Variants in HMCN1 observed in about 807,000 individuals in gnomAD.
HMCN1 encodes the protein hemicentin-1.
A neutral mutation model predicts 625.9 loss-of-function variants in HMCN1; 321 were observed. The observed-to-expected ratio is 0.51, with a 90% CI of 0.47 to 0.56. The LOEUF (loss-of-function observed/expected upper bound fraction) is 0.56, where lower values mean the gene tolerates loss of function less well. Among genes scored for constraint, HMCN1 ranks in the 20% least tolerant of loss-of-function variants. The pLI, the probability that HMCN1 is intolerant of heterozygous loss-of-function variation, is 0.00. For synonymous variants in HMCN1, 2,425 were observed against 2,417.6 expected, an observed-to-expected ratio of 1.00 and a Z score of -0.09; for missense variants, 6,588 against 6,887.3, an observed-to-expected ratio of 0.96 and a Z score of 1.54.
intron 1 of HMCN1, among the ~76,000 whole-genome samples, chr1:185,812,291 T>C (rs1415574805): frequency 6.6e-6 from 1 of 152,100 alleles, no homozygotes; most frequent in Non-Finnish European, 1.5e-5. Flanking sequence ...CATGTTTGAT[T>C]GAGAAATGTA....
At chr1:185,838,718 C>A (rs908870894) in intron 1 of HMCN1, among the ~76,000 whole-genome samples, 1 of 152,184 alleles carries the variant, frequency 6.6e-6, no homozygotes, top group African/African-American at 2.4e-5. Context: ...CTGTTGAGAG[C>A]AGGACATTGT....
chr1:185,805,403 A>T (rs552677656), intron 1 of HMCN1, among the ~76,000 whole-genome samples: 1 of 152,266 alleles, frequency 6.6e-6, no homozygotes, highest in East Asian at 1.9e-4. Context: ...TCCCTCTGAA[A>T]ATAGTAAAAA....
At chr1:186,091,343 C>G (rs955361236) in intron 64 of HMCN1, among the ~76,000 whole-genome samples, 1 of 151,928 alleles carries the variant, frequency 6.6e-6, no homozygotes, top group Non-Finnish European at 1.5e-5. Flanking sequence ...TATGCTGAAA[C>G]CACCAAACTG....
chr1:186,121,067 G>T (rs1231239789), intron 80 of HMCN1, among the ~76,000 whole-genome samples: 2 of 152,166 alleles, frequency 1.3e-5, no homozygotes, highest in Admixed American at 6.5e-5. Context: ...TAAGCCATGG[G>T]CAGGTTGGTG....
chr1:185,888,845 G>C (rs926041596), intron 4 of HMCN1, among the ~76,000 whole-genome samples: 3 of 146,790 alleles, frequency 2.0e-5, no homozygotes, highest in South Asian at 2.1e-4. Flanking sequence ...ATTCTGTGAA[G>C]AAAGGCATTG....
chr1:186,007,184 A>G lies in HMCN1; in HGVS notation c.4532A>G (p.His1511Arg). ...VELLDRGQVLHLKNARRNDKG... is the reference protein window; with the variant it reads ...VELLDRGQVLRLKNARRNDKG... ...CTTCTAGACAGAGGACAAGTCTTAC[A>G]TTTAAAGAATGCACGGAGAAATGAC... The change falls in exon 30 of 107, where the codon CAT becomes CGT. Residue 1511 changes from histidine to arginine, a missense_variant. Around this residue, in one of 3 missense-constraint regions of HMCN1, gnomAD observed 4,628 missense variants for 4,853.1 expected, o/e 0.95. Transcript: ENST00000271588. The G allele has an allele frequency of 1.2e-6, 2 of 1,613,236 alleles. No homozygotes were observed. Among genetic ancestry groups the G allele is most frequent in the African/African-American group, 1.3e-5 (1 of 75,010 alleles).
Position 186,023,136 on chromosome 1 carries a change from T to C in HMCN1, c.5732T>C (p.Ile1911Thr), listed in dbSNP as rs150811327. The change falls in exon 36 of 107, where the codon ATT (isoleucine) becomes ACT (threonine). Residue 1911 changes from isoleucine (I) to threonine (T), a missense_variant. Physicochemically the swap from Ile to Thr is moderately conservative, Grantham distance 89. Around this residue, in one of 3 missense-constraint regions of HMCN1, gnomAD observed 4,628 missense variants for 4,853.1 expected, o/e 0.95. Transcript: ENST00000271588. ...GCAGCTGGAGAAACACAACAGCACA[T>C]TCAACTGCATGTTCATGGTAATGTA... is the stretch of plus-strand genomic sequence containing the variant. ...TNAAGETQQHIQLHVHEPPSL... is the reference protein window; with the variant it reads ...TNAAGETQQHTQLHVHEPPSL... 92 of 1,613,002 alleles carry C rather than the reference T, an allele frequency of 5.7e-5. No homozygotes were observed. In the African/African-American group the frequency reaches 1.1e-3, roughly 19 times the overall value.
At chr1:186,094,208 C>A in intron 66 of HMCN1, 68 bp from the exon 67 acceptor site, 1 of 1,208,564 alleles carries the variant, frequency 8.3e-7, no homozygotes, top group Non-Finnish European at 1.2e-6. Context: ...ATTTATAAAT[C>A]ATAATTATTT....
chr1:186,066,722 A>G (rs1410314947), intron 49 of HMCN1, among the ~76,000 whole-genome samples: 1 of 152,014 alleles, frequency 6.6e-6, no homozygotes, highest in African/African-American at 2.4e-5. Flanking sequence ...TTCCTTCACA[A>G]TGCTCTTTCC....
Position 185,746,776 on chromosome 1 carries a change from T to C in HMCN1, c.268+11729T>C, listed in dbSNP as rs1329711026. Among the ~76,000 whole-genome samples the C allele has an allele frequency of 2.0e-5, 3 of 152,014 alleles. No individual in the cohort carries two copies. The East Asian group carries it at 5.8e-4, about 29-fold the overall frequency. On this transcript the variant is annotated intron_variant, in intron 1 of 106. Transcript: ENST00000271588. Reference sequence around the variant, plus strand: ...GCCCACCACCATGCCCAGCTAATTTTTTGTATTTTTAGTAGAGACAGGGTT... The same window carrying C: ...GCCCACCACCATGCCCAGCTAATTTCTTGTATTTTTAGTAGAGACAGGGTT...
chr1:186,179,865 TATC>T (rs1652835933), intron 104 of HMCN1, among the ~76,000 whole-genome samples: 1 of 152,152 alleles, frequency 6.6e-6, no homozygotes, highest in Non-Finnish European at 1.5e-5. Flanking sequence ...CATCTTCCCA[TATC>T]ATCTCCACTC....
intron 1 of HMCN1, among the ~76,000 whole-genome samples, chr1:185,739,366 A>G (rs762733067): frequency 6.6e-6 from 1 of 152,134 alleles, no homozygotes; most frequent in African/African-American, 2.4e-5. Context: ...TGCTTTTTAC[A>G]TAGCACTCAA....
Position 186,087,531 on chromosome 1 carries a change from G to A in HMCN1, c.9249G>A (p.Ser3083=), listed in dbSNP as rs756117010. Residue 3083 remains serine, a synonymous_variant, in exon 60 of 107, where the codon TCG becomes TCA. Coordinates refer to ENST00000271588, the MANE Select transcript of HMCN1 (RefSeq NM_031935.3). ...EGTSVSLECE[S]NAVPPPVITW... ...CTTCTGTGTCTTTGGAGTGTGAGTC[G>A]AACGCTGTGCCACCTCCAGTCATCA... 9.7e-5 allele frequency: 156 copies of A among 1,613,214 alleles called. 2 individuals are homozygous for A. In the Middle Eastern group the frequency reaches 6.9e-3, roughly 72 times the overall value.
intron 55 of HMCN1, among the ~76,000 whole-genome samples, chr1:186,079,869 T>C (rs1386317653): frequency 6.6e-6 from 1 of 152,120 alleles, no homozygotes; most frequent in African/African-American, 2.4e-5. Flanking sequence ...CTGTTTCAAG[T>C]CTGCTGCTCA....
At chr1:185,796,039 G>A (rs540739683) in intron 1 of HMCN1, among the ~76,000 whole-genome samples, 12 of 152,252 alleles carry the variant, frequency 7.9e-5, no homozygotes, top group South Asian at 4.1e-4. Flanking sequence ...GGCTATTAGC[G>A]TAACCATCAC....
chr1:185,754,366 C>T (rs1294365621), intron 1 of HMCN1, among the ~76,000 whole-genome samples: 1 of 152,008 alleles, frequency 6.6e-6, no homozygotes, highest in Non-Finnish European at 1.5e-5. Context: ...TAAATCAGAC[C>T]ATTCTAAGTT....
chr1:185,979,339 G>C (rs765273652), intron 16 of HMCN1, among the ~76,000 whole-genome samples: 1 of 152,190 alleles, frequency 6.6e-6, no homozygotes, highest in Non-Finnish European at 1.5e-5. Context: ...TAGGAAGAGA[G>C]ATGAGAGAAA....
At chr1:185,813,978 T>A (rs1268008932) in intron 1 of HMCN1, among the ~76,000 whole-genome samples, 2 of 152,148 alleles carry the variant, frequency 1.3e-5, no homozygotes, top group Admixed American at 1.3e-4. Flanking sequence ...AGATAAATTA[T>A]AGTGGGTTTT....
intron 28 of HMCN1, among the ~76,000 whole-genome samples, chr1:186,003,318 G>T (rs1265048686): frequency 6.6e-6 from 1 of 152,110 alleles, no homozygotes; most frequent in Non-Finnish European, 1.5e-5. Flanking sequence ...ATTTCAAGTA[G>T]CACCACACTA....
Sources: allele counts gnomAD v4.1 joint callset (sites outside exome capture counted in the v4.1 genomes callset), GRCh38; gene constraint gnomAD v4.1.1; regional missense constraint gnomAD v4.1.1; transcripts MANE v1.5; gene names NCBI Gene and HGNC (gene_info 2026-07-23, HGNC 2026-07-21).